The following NRG3 variants were observed in gnomAD, a reference collection of about 807,000 sequenced individuals.
NRG3 encodes pro-neuregulin-3, membrane-bound isoform.
NRG3 carries 31 observed loss-of-function variants against 66.9 expected under a neutral mutation model. That is an observed-to-expected ratio of 0.46 (90% CI 0.35 to 0.63). NRG3 has a LOEUF of 0.63. Among genes scored for constraint, NRG3 ranks in the 20% least tolerant of loss-of-function variants. The probability of loss-of-function intolerance (pLI) is 0.00; values close to 1 mark genes in which losing one functional copy is unlikely to be tolerated. For synonymous variants in NRG3, 393 were observed against 359.4 expected (o/e 1.09, Z -1.06); for missense variants, 910 against 878.9 (o/e 1.04, Z -0.45).
intron 1 of NRG3, among the ~76,000 whole-genome samples, chr10:82,239,698 A>C (rs75214800): frequency 0.014 from 2,124 of 151,774 alleles, 75 homozygotes; most frequent in East Asian, 0.13. Flanking sequence ...AAAGTTCTTC[A>C]CTTCCTCCAA....
At chr10:82,146,284 A>T (rs770615710) in intron 1 of NRG3, among the ~76,000 whole-genome samples, 4 of 152,190 alleles carry the variant, frequency 2.6e-5, no homozygotes, top group Non-Finnish European at 5.9e-5. Flanking sequence ...TGCACATTTC[A>T]ATATTTTAGT....
chr10:82,551,608 T>TG (rs1170079614), intron 2 of NRG3, among the ~76,000 whole-genome samples: 8 of 148,666 alleles, frequency 5.4e-5, no homozygotes, highest in East Asian at 2.0e-4. Context: ...AAAATACTGT[T>TG]TTTTTTTTTA....
intron 2 of NRG3, among the ~76,000 whole-genome samples, chr10:82,407,304 T>G (rs1389001730): frequency 3.3e-5 from 5 of 152,074 alleles, no homozygotes. Flanking sequence ...ATCCTTAAAT[T>G]GCCTTCAACA....
intron 3 of NRG3, among the ~76,000 whole-genome samples, chr10:82,852,084 A>T (rs1218987197): frequency 6.6e-6 from 1 of 152,190 alleles, no homozygotes; most frequent in Admixed American, 6.5e-5. Context: ...GAATGTGGGG[A>T]TAGCACTGGA....
chr10:82,919,379 T>A (rs1263803886), intron 4 of NRG3, among the ~76,000 whole-genome samples: 1 of 152,072 alleles, frequency 6.6e-6, no homozygotes, highest in East Asian at 1.9e-4. Context: ...TTAATGTTTT[T>A]CTGAAATTTA....
In NRG3 at chr10:82,862,667, GACAA is replaced by G. The variant is rs143502994; in HGVS notation, c.1028-2739_1028-2736del. ...TGAGAGCTAATCCCAAGTAAGAGTAGACAAACAAGTTTGTTGCACCTCACTTTGC... is the reference window on the plus strand; with the variant it reads ...TGAGAGCTAATCCCAAGTAAGAGTAGACAAGTTTGTTGCACCTCACTTTGC... On this transcript the variant is annotated intron_variant, in intron 3 of 8. Coordinates refer to ENST00000372141, the MANE Select transcript of NRG3 (RefSeq NM_001010848.4). 3.7e-3 allele frequency among the ~76,000 whole-genome samples: 569 copies of G among 152,198 alleles called. 2 individuals carry two copies. The highest frequency in any genetic ancestry group is 0.013 in the African/African-American group (548 of 41,538).
chr10:81,998,526 A>G (rs12244196), intron 1 of NRG3, among the ~76,000 whole-genome samples: 7,362 of 152,182 alleles, frequency 0.048, 605 homozygotes, highest in African/African-American at 0.17. Flanking sequence ...TGGGCCGCAG[A>G]GTCGATGTTG....
chr10:82,600,152 A>G (rs1297672596), intron 2 of NRG3, among the ~76,000 whole-genome samples: 1 of 152,270 alleles, frequency 6.6e-6, no homozygotes, highest in Middle Eastern at 3.4e-3. Flanking sequence ...CAGCACAGAT[A>G]GAGGGCTTGT....
intron 1 of NRG3, among the ~76,000 whole-genome samples, chr10:82,037,971 AG>A: frequency 1.6e-5 from 2 of 124,100 alleles, no homozygotes; most frequent in South Asian, 6.2e-4. Context: ...TAGTGTGGGG[AG>A]GGGGGAGAGA....
intron 2 of NRG3, among the ~76,000 whole-genome samples, chr10:82,722,602 C>A (rs1469701802): frequency 6.6e-6 from 1 of 152,114 alleles, no homozygotes; most frequent in African/African-American, 2.4e-5. Context: ...CTAATCTCCT[C>A]ATTCACACCC....
chr10:82,097,298 CTT>C (rs968276177), intron 1 of NRG3, among the ~76,000 whole-genome samples: 3 of 149,936 alleles, frequency 2.0e-5, no homozygotes, highest in Non-Finnish European at 4.4e-5. Flanking sequence ...TCAATTGTAT[CTT>C]TGTTTCATCA....
At position 82,299,555 on chromosome 10, in the gene NRG3, T is replaced by TTC. The variant is rs1436472068; in HGVS notation, c.824-59183_824-59182insCT. Reference sequence around the variant, plus strand: ...AGGGCTCCAATCCAGCCCTGTTTTTTTTTTTTATTGTTGTTGTTAGTTTGT... The same window carrying TTC: ...AGGGCTCCAATCCAGCCCTGTTTTTTTCTTTTTTATTGTTGTTGTTAGTTTGT... On this transcript the variant is annotated intron_variant, in intron 1 of 8. Transcript: ENST00000372141. Among the ~76,000 whole-genome samples the TTC allele has an allele frequency of 2.0e-5, 3 of 151,748 alleles. No individual in the cohort carries two copies. In the Admixed American group the frequency reaches 2.0e-4, roughly 10 times the overall value.
chr10:82,073,125 T>A (rs1320847515), intron 1 of NRG3, among the ~76,000 whole-genome samples: 1 of 150,386 alleles, frequency 6.6e-6, no homozygotes, highest in Non-Finnish European at 1.5e-5. Flanking sequence ...AAAAAAAAAA[T>A]AAGGGATGTG....
At chr10:82,811,410 C>A (rs968634336) in intron 3 of NRG3, among the ~76,000 whole-genome samples, 1 of 152,096 alleles carries the variant, frequency 6.6e-6, no homozygotes, top group East Asian at 1.9e-4. Flanking sequence ...AGGCTTGTGG[C>A]GACCTTCTAA....
chr10:82,601,383 C>A (rs1479462202), intron 2 of NRG3, among the ~76,000 whole-genome samples: 1 of 152,174 alleles, frequency 6.6e-6, no homozygotes, highest in African/African-American at 2.4e-5. Context: ...CAATTTGTGG[C>A]TATCACAAAA....
At chr10:82,111,456 G>GT (rs2067383276) in intron 1 of NRG3, among the ~76,000 whole-genome samples, 1 of 152,096 alleles carries the variant, frequency 6.6e-6, no homozygotes, top group African/African-American at 2.4e-5. Flanking sequence ...TGCTTTCAGT[G>GT]TCATAGCATT....
chr10:82,157,721 T>C (rs2071289790), intron 1 of NRG3, among the ~76,000 whole-genome samples: 1 of 125,924 alleles, frequency 7.9e-6, no homozygotes, highest in South Asian at 2.8e-4. Flanking sequence ...ATGAATACCA[T>C]TGGCAGAATG....
intron 2 of NRG3, among the ~76,000 whole-genome samples, chr10:82,575,905 G>A (rs1337484875): frequency 4.6e-5 from 7 of 151,766 alleles, no homozygotes; most frequent in Admixed American, 4.6e-4. Flanking sequence ...ATAAGTGTTT[G>A]GGGAATAAAT....
intron 1 of NRG3, among the ~76,000 whole-genome samples, chr10:82,041,002 T>G (rs1343944941): frequency 6.6e-6 from 1 of 152,046 alleles, no homozygotes; most frequent in Non-Finnish European, 1.5e-5. Context: ...AGGTAAAACA[T>G]TGCATATCAG....
Sources: allele counts gnomAD v4.1 joint callset (sites outside exome capture counted in the v4.1 genomes callset), GRCh38; gene constraint gnomAD v4.1.1; transcripts MANE v1.5; gene names NCBI Gene and HGNC (gene_info 2026-07-23, HGNC 2026-07-21).